IGF2BP2: variants seen among roughly 807,000 people sequenced by gnomAD.
IGF2BP2 encodes the protein insulin like growth factor 2 mRNA binding protein 2, also known as insulin-like growth factor 2 mRNA-binding protein 2.
In IGF2BP2, 17 loss-of-function variants were observed where a neutral mutation model predicts 75.8. The observed-to-expected ratio is 0.22, with a 90% CI of 0.15 to 0.34. The LOEUF (loss-of-function observed/expected upper bound fraction) is 0.34, where lower values mean the gene tolerates loss of function less well. IGF2BP2 is among the 10% of genes least tolerant of loss of function. IGF2BP2 has a pLI of 1.00. For synonymous variants in IGF2BP2, 288 were observed against 295.6 expected, an observed-to-expected ratio of 0.97 and a Z score of 0.26; for missense variants, 516 against 772.4, an observed-to-expected ratio of 0.67 and a Z score of 3.93.
intron 7 of IGF2BP2, among the ~76,000 whole-genome samples, chr3:185,680,053 C>T (rs1352238177): frequency 6.6e-6 from 1 of 151,772 alleles, no homozygotes; most frequent in Non-Finnish European, 1.5e-5. Context: ...ACCAAACTGA[C>T]AAATCCTTAG....
intron 10 of IGF2BP2, among the ~76,000 whole-genome samples, chr3:185,670,295 A>G (rs1718316058): frequency 6.6e-6 from 1 of 152,284 alleles, no homozygotes; most frequent in East Asian, 1.9e-4. Flanking sequence ...CTATTAAAAG[A>G]AAAATTCTCT....
chr3:185,822,536 T>C (rs1423433327), intron 2 of IGF2BP2, among the ~76,000 whole-genome samples: 3 of 152,330 alleles, frequency 2.0e-5, no homozygotes, highest in East Asian at 3.9e-4. Context: ...AGGGTATTTA[T>C]TTTAGCCGCA....
At chr3:185,666,824 T>G (rs1717714865) in intron 10 of IGF2BP2, among the ~76,000 whole-genome samples, 1 of 152,190 alleles carries the variant, frequency 6.6e-6, no homozygotes, top group Admixed American at 6.5e-5. Flanking sequence ...TAAAAACTTA[T>G]AAGAAATTGA....
chr3:185,690,337 ACTGT>A (rs1721779262), intron 5 of IGF2BP2, among the ~76,000 whole-genome samples: 3 of 152,178 alleles, frequency 2.0e-5, no homozygotes, highest in Admixed American at 2.0e-4. Flanking sequence ...CACTATCTTT[ACTGT>A]CTTTCTTAAA....
At chr3:185,821,016 G>T (rs1355833256) in intron 2 of IGF2BP2, 5 of 1,535,514 alleles carry the variant, frequency 3.3e-6, no homozygotes, top group Non-Finnish European at 4.4e-6. Context: ...CAGTACCCTG[G>T]ATTTAGAAAG....
intron 2 of IGF2BP2, among the ~76,000 whole-genome samples, chr3:185,741,034 G>A (rs1328890494): frequency 6.6e-6 from 1 of 152,068 alleles, no homozygotes. Flanking sequence ...ATGCCACCAT[G>A]CCCGGCTAAT....
intron 10 of IGF2BP2, among the ~76,000 whole-genome samples, chr3:185,662,543 C>CTT (rs1172808795): frequency 1.2e-4 from 14 of 112,626 alleles, no homozygotes; most frequent in African/African-American, 3.1e-4. Context: ...CCTTCCCATA[C>CTT]TTTTTTTTTT....
intron 2 of IGF2BP2, among the ~76,000 whole-genome samples, chr3:185,777,340 A>C (rs185864013): frequency 9.2e-5 from 14 of 152,188 alleles, no homozygotes; most frequent in South Asian, 2.1e-4. Context: ...CAAAACCAAA[A>C]CAAAACAAAA....
At chr3:185,707,799 C>T (rs945981906) in intron 2 of IGF2BP2, among the ~76,000 whole-genome samples, 4 of 152,176 alleles carry the variant, frequency 2.6e-5, no homozygotes, top group Non-Finnish European at 5.9e-5. Flanking sequence ...GTATACAATT[C>T]CCTACGATAA....
At chr3:185,821,460 C>T (rs1420751632) in intron 2 of IGF2BP2, among the ~76,000 whole-genome samples, 1 of 152,028 alleles carries the variant, frequency 6.6e-6, no homozygotes, top group Admixed American at 6.6e-5. Context: ...AATGACACTC[C>T]GGCTAACAGC....
chr3:185,800,760 G>A (rs973398858), intron 2 of IGF2BP2, among the ~76,000 whole-genome samples: 3 of 112,842 alleles, frequency 2.7e-5, no homozygotes, highest in Non-Finnish European at 5.8e-5. Context: ...TGAATACCTG[G>A]GAGTAAATGA....
chr3:185,732,560 C>T (rs1481706688), intron 2 of IGF2BP2, among the ~76,000 whole-genome samples: 2 of 152,160 alleles, frequency 1.3e-5, no homozygotes, highest in African/African-American at 2.4e-5. Flanking sequence ...GCACCCCTTG[C>T]CCAGCCCCCA....
At position 185,722,352 on chromosome 3, in the gene IGF2BP2, T is replaced by C. The variant is rs976699085; in HGVS notation, c.240-24005A>G. ...GAGAGTAATTCAGCTTCATGGGTTA[T>C]TTTCAAAAAGTAAGGAAGAAACTGC... On this transcript the variant is annotated intron_variant, in intron 2 of 15. Coordinates refer to ENST00000382199, the MANE Select transcript of IGF2BP2 (RefSeq NM_006548.6). 3 of 425,512 alleles carry C rather than the reference T, an allele frequency of 7.1e-6. No individual in the cohort carries two copies. In the East Asian group the frequency reaches 2.3e-4, roughly 33 times the overall value. The allele number at this position is 425,512 out of a possible 1,614,324, so 26.4% of individuals were successfully genotyped here.
intron 2 of IGF2BP2, among the ~76,000 whole-genome samples, chr3:185,737,320 G>GTGCTCC (rs1728988378): frequency 6.6e-6 from 1 of 151,988 alleles, no homozygotes; most frequent in South Asian, 2.1e-4. Context: ...AACATTCTAG[G>GTGCTCC]TGCTCCTTGT....
chr3:185,665,320 A>AAGGAGGAGGAGGAGGAGG (rs773580962), intron 10 of IGF2BP2, among the ~76,000 whole-genome samples: 5 of 50,112 alleles, frequency 1.0e-4, no homozygotes, highest in African/African-American at 2.5e-4. Flanking sequence ...GCAGAAGGAG[A>AAGGAGGAGGAGGAGGAGG]AGGAGGAGGA....
chr3:185,643,779 C>CTTTTTTTTTTTTT lies in IGF2BP2; in HGVS notation c.*1739_*1751dup, dbSNP rs933340628. The CTTTTTTTTTTTTT allele has an allele frequency of 4.7e-4, 53 of 111,972 alleles. No homozygotes were observed. The highest frequency in any genetic ancestry group is 6.0e-4 in the Non-Finnish European group (34 of 56,612). The allele number at this position is 111,972 out of a possible 1,614,324, so 6.9% of individuals were successfully genotyped here. A position where few individuals can be genotyped will look rare whatever the true frequency, so the allele number is the denominator to read the frequency against. The stretch of plus-strand genomic sequence containing the variant: ...ATATTTCTGTTTTTTCTTTTTTTTT[C>CTTTTTTTTTTTTT]TTTTTTTTTTTTTTTTTTTTGTCAC... On this transcript the variant is annotated 3_prime_UTR_variant, in exon 16 of 16. Coordinates refer to ENST00000382199, the MANE Select transcript of IGF2BP2 (RefSeq NM_006548.6).
intron 2 of IGF2BP2, among the ~76,000 whole-genome samples, chr3:185,729,331 T>A (rs1204292482): frequency 6.6e-6 from 1 of 152,200 alleles, no homozygotes; most frequent in Admixed American, 6.5e-5. Context: ...ACCATTCAGA[T>A]CTGGGTAGCT....
chr3:185,754,176 T>C (rs1560415582), intron 2 of IGF2BP2, among the ~76,000 whole-genome samples: 1 of 152,084 alleles, frequency 6.6e-6, no homozygotes, highest in African/African-American at 2.4e-5. Context: ...GCCATTGCAC[T>C]CTAGCCTGGG....
chr3:185,783,162 TAC>T lies in IGF2BP2; in HGVS notation c.239+39989_239+39990del, dbSNP rs1179576737. Among the ~76,000 whole-genome samples the T allele has an allele frequency of 3.3e-5, 5 of 152,334 alleles. No homozygotes were observed. The East Asian group carries it at 9.6e-4, about 29-fold the overall frequency. On this transcript the variant is annotated intron_variant, in intron 2 of 15. Transcript: ENST00000382199. ...TGATTCACAGTTGAGACACACAAGATACTTGCAAACCAAGAGTGGTCCTTCTT... is the reference window on the plus strand; with the variant it reads ...TGATTCACAGTTGAGACACACAAGATTTGCAAACCAAGAGTGGTCCTTCTT...
Sources: allele counts gnomAD v4.1 joint callset (sites outside exome capture counted in the v4.1 genomes callset), GRCh38; gene constraint gnomAD v4.1.1; transcripts MANE v1.5; gene names NCBI Gene and HGNC (gene_info 2026-07-23, HGNC 2026-07-21).